Variants in SELENOF observed in about 807,000 individuals in gnomAD.
SELENOF encodes selenoprotein F, also known as 15 kDa selenoprotein.
A neutral mutation model predicts 20.5 loss-of-function variants in SELENOF; 16 were observed. That is an observed-to-expected ratio of 0.78 (90% confidence interval 0.53 to 1.19). The LOEUF (loss-of-function observed/expected upper bound fraction) is 1.19. Ranked by LOEUF, SELENOF falls within the 50% of genes most tolerant of loss-of-function variation. The pLI is 0.00. For synonymous variants in SELENOF, 78 were observed against 74.5 expected (o/e 1.05, Z -0.24); for missense variants, 215 against 194.2 (o/e 1.11, Z -0.64).
intron 2 of SELENOF, among the ~76,000 whole-genome samples, chr1:86,899,312 G>C (rs1192836666): frequency 1.4e-5 from 2 of 147,504 alleles, no homozygotes; most frequent in Non-Finnish European, 3.0e-5. Flanking sequence ...ATACCTCCCA[G>C]ATGGGGTGGT....
At chr1:86,899,585 AG>A (rs2102119644) in intron 2 of SELENOF, among the ~76,000 whole-genome samples, 1 of 137,758 alleles carries the variant, frequency 7.3e-6, no homozygotes, top group African/African-American at 2.7e-5. Flanking sequence ...CTGGCCGGGC[AG>A]GGGGCTGACC....
At chr1:86,871,303 A>T (rs1277591705) in intron 3 of SELENOF, among the ~76,000 whole-genome samples, 2 of 152,202 alleles carry the variant, frequency 1.3e-5, no homozygotes, top group Non-Finnish European at 2.9e-5. Flanking sequence ...GACAATAAGT[A>T]CTCTAAGTTC....
intron 2 of SELENOF, among the ~76,000 whole-genome samples, chr1:86,899,946 C>T (rs546132960): frequency 4.8e-4 from 70 of 146,186 alleles, no homozygotes; most frequent in African/African-American, 1.3e-3. Context: ...TCACATCCCA[C>T]ACGGGGCGGC....
At chr1:86,867,976 T>A in intron 4 of SELENOF, 77 bp downstream of exon 4, 2 of 578,276 alleles carry the variant, frequency 3.5e-6, no homozygotes, top group Non-Finnish European at 5.8e-6. Context: ...GGAAACCATT[T>A]ATTCAAATAT....
rs761102079 is a variant in SELENOF, at chr1:86,863,618, G to C, written c.367-13C>G. ...AACCACGGACATACTACAAAAAAGAGGGACGTCATCATTACTTTCTGTTCA... is the reference window on the plus strand; with the variant it reads ...AACCACGGACATACTACAAAAAAGACGGACGTCATCATTACTTTCTGTTCA... On this transcript the variant is annotated splice_polypyrimidine_tract_variant and intron_variant, in intron 4 of 4. Transcript: ENST00000331835. 1 of 1,609,304 alleles carries C rather than the reference G, an allele frequency of 6.2e-7. No homozygotes were observed. The highest frequency in any genetic ancestry group is 8.5e-7 in the Non-Finnish European group (1 of 1,177,044).
intron 1 of SELENOF, among the ~76,000 whole-genome samples, chr1:86,913,269 A>C (rs1352738900): frequency 6.6e-6 from 1 of 152,236 alleles, no homozygotes; most frequent in Non-Finnish European, 1.5e-5. Context: ...AGCTTTCAGC[A>C]CTGTGCCTAA....
intron 3 of SELENOF, among the ~76,000 whole-genome samples, chr1:86,880,324 T>TG (rs1659034110): frequency 6.6e-6 from 1 of 151,944 alleles, no homozygotes; most frequent in African/African-American, 2.4e-5. Flanking sequence ...TTAGTAGAGA[T>TG]GGGGTTTCAC....
chr1:86,862,816 A>C lies in SELENOF; in HGVS notation c.*658T>G, dbSNP rs1487781536. ...GAATGTAAAACTCAAAAATTTGCCA[A>C]GTATGTATCTGATCCACACAAATCC... On this transcript the variant is annotated 3_prime_UTR_variant, in exon 5 of 5. Coordinates refer to ENST00000331835, the MANE Select transcript of SELENOF (RefSeq NM_004261.5). The C allele has an allele frequency of 6.6e-6, 1 of 152,412 alleles. No homozygotes were observed. The highest frequency in any genetic ancestry group is 2.4e-5 in the African/African-American group (1 of 41,452). 9.4% of individuals were successfully genotyped at this position (152,412 alleles called of 1,614,324 possible). A position where few individuals can be genotyped will look rare whatever the true frequency, so the allele number is the denominator to read the frequency against.
chr1:86,909,455 C>T (rs1358847360), intron 1 of SELENOF, among the ~76,000 whole-genome samples: 1 of 152,096 alleles, frequency 6.6e-6, no homozygotes, highest in Admixed American at 6.6e-5. Flanking sequence ...ACACAAATTG[C>T]AAATATCCTG....
At chr1:86,868,205 T>A in intron 3 of SELENOF, 103 bp from the exon 4 acceptor site, 1 of 515,680 alleles carries the variant, frequency 1.9e-6, no homozygotes, top group African/African-American at 2.0e-5. Flanking sequence ...AAACATTATA[T>A]CCTATATGAA....
At chr1:86,864,002 A>T (rs2102065331) in intron 4 of SELENOF, among the ~76,000 whole-genome samples, 1 of 152,318 alleles carries the variant, frequency 6.6e-6, no homozygotes, top group Admixed American at 6.5e-5. Context: ...TAGTAGCAAG[A>T]CAGTTTATTG....
At chr1:86,890,326 C>G (rs9887830) in intron 2 of SELENOF, among the ~76,000 whole-genome samples, 89 of 152,240 alleles carry the variant, frequency 5.8e-4, no homozygotes, top group African/African-American at 2.1e-3. Context: ...TGCCCTCCTT[C>G]TAAGAGCTTT....
At chr1:86,897,044 G>A (rs1465275989) in intron 2 of SELENOF, among the ~76,000 whole-genome samples, 3 of 152,084 alleles carry the variant, frequency 2.0e-5, no homozygotes, top group Non-Finnish European at 4.4e-5. Flanking sequence ...GGTGGCTCAC[G>A]CCTGTAATTC....
intron 2 of SELENOF, among the ~76,000 whole-genome samples, chr1:86,882,928 C>A (rs1485460358): frequency 8.0e-6 from 1 of 125,306 alleles, no homozygotes; most frequent in African/African-American, 2.8e-5. Context: ...GAGTTCGAGA[C>A]CAGCCTGGCC....
rs1658501457 is a variant in SELENOF at position 86,863,204 on chromosome 1, G to A, written c.*270C>T. ...GACCAATTATCACAAACTATCATTT[G>A]CATAATTAACCGCAAGTCTGTTACA... On this transcript the variant is annotated 3_prime_UTR_variant, in exon 5 of 5. Coordinates refer to ENST00000331835, the MANE Select transcript of SELENOF (RefSeq NM_004261.5). The A allele has an allele frequency of 3.4e-6, 1 of 297,374 alleles. No individual in the cohort carries two copies. Among genetic ancestry groups the A allele is most frequent in the Non-Finnish European group, 6.2e-6 (1 of 160,722 alleles). 18.4% of individuals were successfully genotyped at this position (297,374 alleles called of 1,614,324 possible).
chr1:86,899,997 G>C (rs1005101202), intron 2 of SELENOF, among the ~76,000 whole-genome samples: 2 of 151,314 alleles, frequency 1.3e-5, no homozygotes, highest in African/African-American at 4.9e-5. Context: ...ATGGGCGGCC[G>C]GGCAGAGACA....
Position 86,868,059 on chromosome 1 carries a change from T to G in SELENOF, c.360A>C (p.Gln120His), listed in dbSNP as rs746219321. 8 of 1,498,088 alleles carry G rather than the reference T, an allele frequency of 5.3e-6. No individual in the cohort carries two copies. Among genetic ancestry groups the G allele is most frequent in the Non-Finnish European group, 7.2e-6 (8 of 1,107,686 alleles). 92.8% of individuals were successfully genotyped at this position (1,498,088 alleles called of 1,614,324 possible). Reference sequence around the variant, plus strand: ...TCCACTACAATCACCTTACCTTGATTTGCAGTCCTCTGAACAGTTTGGGTT... The same window carrying G: ...TCCACTACAATCACCTTACCTTGATGTGCAGTCCTCTGAACAGTTTGGGTT... ...SDKPKLFRGL[Q>H]IKYVRGSDPV... The change falls in exon 4 of 5, where the codon CAA (glutamine) becomes CAC (histidine). Residue 120 changes from glutamine (Q) to histidine (H), a missense_variant. Physicochemically the swap from Gln to His is conservative, Grantham distance 24 (BLOSUM62 0). Transcript: ENST00000331835.
upstream of SELENOF, chr1:86,914,323 C>A: frequency 1.7e-6 from 1 of 587,890 alleles, no homozygotes; most frequent in Non-Finnish European, 3.0e-6. Flanking sequence ...GCCTAAACTC[C>A]CCACTTCTTT....
chr1:86,909,865 C>T (rs112418512), intron 1 of SELENOF, among the ~76,000 whole-genome samples: 160 of 152,156 alleles, frequency 1.1e-3, no homozygotes, highest in African/African-American at 3.3e-3. Context: ...ATTAGCTGGG[C>T]GTGGGGGCGC....
Sources: allele counts gnomAD v4.1 joint callset (sites outside exome capture counted in the v4.1 genomes callset), GRCh38; gene constraint gnomAD v4.1.1; transcripts MANE v1.5; gene names NCBI Gene and HGNC (gene_info 2026-07-23, HGNC 2026-07-21).